Variants in CYP27A1 observed in about 807,000 individuals in gnomAD.
CYP27A1 encodes the protein sterol 26-hydroxylase, mitochondrial.
A neutral mutation model predicts 58.2 loss-of-function variants in CYP27A1; 46 were observed. That is an observed-to-expected ratio of 0.79 (90% confidence interval 0.62 to 1.01). CYP27A1 has a LOEUF of 1.01. Ranked by LOEUF, CYP27A1 falls within the 50% of genes least tolerant of loss-of-function variation. The probability of loss-of-function intolerance (pLI) is 0.00; values close to 1 mark genes in which losing one functional copy is unlikely to be tolerated. For missense variants in CYP27A1, 704 were observed against 687.0 expected (o/e 1.02, Z -0.28); for synonymous variants, 274 against 285.1 (o/e 0.96, Z 0.39).
chr2:218,806,447 G>A (rs1403997642), intron 1 of CYP27A1, among the ~76,000 whole-genome samples: 1 of 152,208 alleles, frequency 6.6e-6, no homozygotes, highest in Non-Finnish European at 1.5e-5. Flanking sequence ...GAGAGGCCAG[G>A]AATGCTGCTA....
chr2:218,813,774 C>G (rs1166400026), intron 5 of CYP27A1, among the ~76,000 whole-genome samples: 1 of 152,070 alleles, frequency 6.6e-6, no homozygotes, highest in African/African-American at 2.4e-5. Flanking sequence ...TGCTTTCATC[C>G]TGTTGGGTTT....
chr2:218,782,506 AGACGTTG>A lies in CYP27A1; in HGVS notation c.255+73_255+79del. 1 of 1,599,856 alleles carries A rather than the reference AGACGTTG, an allele frequency of 6.3e-7. No homozygotes were observed. Among genetic ancestry groups the A allele is most frequent in the Non-Finnish European group, 8.6e-7 (1 of 1,169,564 alleles). ...CGGAACAGAGAGGCTAGAGGTGAGA[AGACGTTG>A]GACAGAAAGTGAAGGCTGCAGGAAC... On this transcript the variant is annotated intron_variant, in intron 1 of 8. Transcript: ENST00000258415. This position sits in a 1 kb window ranked among gnomAD's most constrained non-coding sequence, Gnocchi z 4.1.
At chr2:218,800,680 A>G (rs901923486) in intron 1 of CYP27A1, among the ~76,000 whole-genome samples, 2 of 152,100 alleles carry the variant, frequency 1.3e-5, no homozygotes, top group Non-Finnish European at 2.9e-5. Flanking sequence ...TAATCCCAAC[A>G]CCCATCACAT....
At chr2:218,785,611 G>T (rs1244649889) in intron 1 of CYP27A1, among the ~76,000 whole-genome samples, 2 of 151,996 alleles carry the variant, frequency 1.3e-5, no homozygotes, top group African/African-American at 4.8e-5. Context: ...AGGAAGCAGG[G>T]GAAAGTCAGG....
intron 8 of CYP27A1, 70 bp downstream of exon 8, chr2:218,814,827 G>A: frequency 6.2e-7 from 1 of 1,613,124 alleles, no homozygotes; most frequent in Non-Finnish European, 8.5e-7. Context: ...GAGAGGAAGG[G>A]AGGCACAGGG....
intron 2 of CYP27A1, among the ~76,000 whole-genome samples, chr2:218,810,294 A>C (rs1185196468): frequency 6.6e-6 from 1 of 152,138 alleles, no homozygotes; most frequent in Non-Finnish European, 1.5e-5. Flanking sequence ...AGAAAAAAAA[A>C]AAAACTTTTT....
intron 7 of CYP27A1, 43 bp from the exon 8 acceptor site, chr2:218,814,502 C>A (rs562478738): frequency 1.9e-6 from 3 of 1,612,876 alleles, no homozygotes; most frequent in Non-Finnish European, 2.5e-6. Flanking sequence ...GTGCCCTATG[C>A]CCCCGAAGAG....
chr2:218,803,573 G>A (rs193115142), intron 1 of CYP27A1, among the ~76,000 whole-genome samples: 12 of 151,890 alleles, frequency 7.9e-5, no homozygotes, highest in South Asian at 2.1e-4. Context: ...ACAGGCACAC[G>A]CCACCACACC....
chr2:218,789,508 TACA>T lies in CYP27A1; in HGVS notation c.255+7072_255+7074del, dbSNP rs1435271192. Among the ~76,000 whole-genome samples the T allele has an allele frequency of 1.2e-4, 19 of 152,346 alleles. 1 individual carries two copies. The highest frequency in any genetic ancestry group is 4.6e-4 in the African/African-American group (19 of 41,584). Reference sequence around the variant, plus strand: ...GAGGTACAGAAACAGCCGGATTGATTACAGCTTGGCATTAGCCTAATTTGAACA... The same window carrying T: ...GAGGTACAGAAACAGCCGGATTGATTGCTTGGCATTAGCCTAATTTGAACA... On this transcript the variant is annotated intron_variant, in intron 1 of 8. Transcript: ENST00000258415.
intron 1 of CYP27A1, among the ~76,000 whole-genome samples, chr2:218,800,016 A>G (rs544697149): frequency 1.3e-5 from 2 of 152,170 alleles, no homozygotes; most frequent in South Asian, 4.1e-4. Flanking sequence ...TTGCCAAAAC[A>G]CAAGGAGACA....
At chr2:218,806,666 T>C (rs1943655107) in intron 1 of CYP27A1, among the ~76,000 whole-genome samples, 1 of 152,272 alleles carries the variant, frequency 6.6e-6, no homozygotes, top group African/African-American at 2.4e-5. Context: ...GTTCAGAGCA[T>C]GGCCTCCAGC....
intron 1 of CYP27A1, among the ~76,000 whole-genome samples, chr2:218,795,338 A>G (rs532334532): frequency 6.6e-6 from 1 of 152,188 alleles, no homozygotes; most frequent in African/African-American, 2.4e-5. Context: ...TGTTGCATGG[A>G]CTTCTTATCA....
intron 1 of CYP27A1, among the ~76,000 whole-genome samples, chr2:218,809,011 A>C (rs1352258897): frequency 1.3e-5 from 2 of 152,210 alleles, no homozygotes; most frequent in Non-Finnish European, 2.9e-5. Context: ...GAAATAAATA[A>C]ATAAATAAAT....
At chr2:218,803,709 A>G (rs1575202982) in intron 1 of CYP27A1, among the ~76,000 whole-genome samples, 1 of 138,510 alleles carries the variant, frequency 7.2e-6, no homozygotes, top group Non-Finnish European at 1.5e-5. Flanking sequence ...GGTGTGAGCC[A>G]CCGTGCCCCC....
intron 1 of CYP27A1, among the ~76,000 whole-genome samples, chr2:218,801,968 C>A (rs1943603646): frequency 7.1e-6 from 1 of 141,178 alleles, no homozygotes. Context: ...GGGGCTGCAG[C>A]TGCTAGCAGG....
At chr2:218,809,311 G>A (rs1476769067) in intron 1 of CYP27A1, among the ~76,000 whole-genome samples, 1 of 151,988 alleles carries the variant, frequency 6.6e-6, no homozygotes, top group Non-Finnish European at 1.5e-5. Flanking sequence ...ACTCCTCCAA[G>A]GACCTCAATG....
intron 1 of CYP27A1, among the ~76,000 whole-genome samples, chr2:218,803,833 A>G (rs1356749993): frequency 6.9e-6 from 1 of 144,974 alleles, no homozygotes; most frequent in African/African-American, 2.6e-5. Context: ...CCCGGGTTCA[A>G]GTGATTCTCC....
chr2:218,790,395 C>T (rs1331912462), intron 1 of CYP27A1, among the ~76,000 whole-genome samples: 1 of 152,152 alleles, frequency 6.6e-6, no homozygotes, highest in Non-Finnish European at 1.5e-5. Context: ...GGACTATGCT[C>T]CTTAGCCAGG....
At chr2:218,787,103 G>T (rs1320431710) in intron 1 of CYP27A1, among the ~76,000 whole-genome samples, 3 of 152,154 alleles carry the variant, frequency 2.0e-5, no homozygotes, top group Non-Finnish European at 4.4e-5. Context: ...CATGTATCTT[G>T]TTTCTTATCA....
Sources: gnomAD v4.1 joint callset for allele counts (sites outside exome capture counted in the v4.1 genomes callset) on GRCh38, gnomAD v4.1.1 for gene constraint, Gnocchi (gnomAD v3.1) non-coding constraint, MANE v1.5 for transcripts, NCBI Gene and HGNC (gene_info 2026-07-23, HGNC 2026-07-21) for gene names.